The following L3MBTL3 variants were observed in gnomAD, a reference collection of about 807,000 sequenced individuals.
L3MBTL3 encodes lethal(3)malignant brain tumor-like protein 3.
A neutral mutation model predicts 102.3 loss-of-function variants in L3MBTL3; 27 were observed. That is an observed-to-expected ratio of 0.26 (90% CI 0.19 to 0.36). L3MBTL3 has a LOEUF of 0.36. L3MBTL3 is among the 10% of genes least tolerant of loss of function. The pLI, the probability that L3MBTL3 is intolerant of heterozygous loss-of-function variation, is 1.00. For missense variants in L3MBTL3, 798 were observed against 955.3 expected (o/e 0.84, Z 2.17); for synonymous variants, 340 against 320.9 (o/e 1.06, Z -0.64).
At chr6:130,041,954 A>C (rs889971325) in intron 2 of L3MBTL3, among the ~76,000 whole-genome samples, 9 of 152,340 alleles carry the variant, frequency 5.9e-5, no homozygotes, top group African/African-American at 1.9e-4. Flanking sequence ...GAAAATACAC[A>C]TATTTCTAAA....
chr6:130,134,236 AT>A (rs1010227991), intron 22 of L3MBTL3, among the ~76,000 whole-genome samples: 1 of 152,132 alleles, frequency 6.6e-6, no homozygotes, highest in African/African-American at 2.4e-5. Context: ...AAGAAGCAAC[AT>A]TTTCTCTTTT....
chr6:130,038,770 T>G (rs1443640182), intron 2 of L3MBTL3, among the ~76,000 whole-genome samples: 1 of 152,148 alleles, frequency 6.6e-6, no homozygotes, highest in African/African-American at 2.4e-5. Context: ...TCGTTTTAGT[T>G]TCGTATAATC....
At chr6:130,099,867 G>A (rs1415515509) in intron 18 of L3MBTL3, among the ~76,000 whole-genome samples, 1 of 152,160 alleles carries the variant, frequency 6.6e-6, no homozygotes, top group Non-Finnish European at 1.5e-5. Flanking sequence ...ATAAGTAAAG[G>A]AGTTAATTTT....
rs1484684927 is a variant in L3MBTL3, at chr6:130,019,140, T to C, written c.-95+476T>C. ...TGGCGCGCAGGCGGCGGGATGCGTG[T>C]GGCCCCCTCCCCCGCGCCCCCCGAG... On this transcript the variant is annotated intron_variant, in intron 1 of 22. Transcript: ENST00000361794. 6.6e-5 allele frequency among the ~76,000 whole-genome samples: 10 copies of C among 151,400 alleles called. No individual in the cohort carries two copies. The East Asian group carries it at 2.0e-3, about 30-fold the overall frequency.
At position 130,049,766 on chromosome 6, in the gene L3MBTL3, T is replaced by C; in HGVS notation, c.225T>C (p.Ser75=). The C allele has an allele frequency of 3.7e-6, 6 of 1,613,826 alleles. No homozygotes were observed. The highest frequency in any genetic ancestry group is 5.1e-6 in the Non-Finnish European group (6 of 1,179,898). Residue 75 remains serine (S), a synonymous_variant, in exon 5 of 23, where the codon TCT becomes TCC. Coordinates refer to ENST00000361794, the MANE Select transcript of L3MBTL3 (RefSeq NM_032438.4). ...MVPTAQEAPT[S]PPSSRPVFPP... ...AATCTACATCTCCAGCCCCGACCTCTCCCCCGAGCTCCAGGCCCGTATTTC... is the reference window on the plus strand; with the variant it reads ...AATCTACATCTCCAGCCCCGACCTCCCCCCCGAGCTCCAGGCCCGTATTTC...
At chr6:130,048,612 T>C (rs7755652) in intron 3 of L3MBTL3, among the ~76,000 whole-genome samples, 1 of 152,052 alleles carries the variant, frequency 6.6e-6, no homozygotes, top group East Asian at 1.9e-4. Flanking sequence ...ATGTAGCTAG[T>C]AGACTACTTG....
At chr6:130,119,323 A>G (rs145701203) in intron 19 of L3MBTL3, among the ~76,000 whole-genome samples, 50 of 152,302 alleles carry the variant, frequency 3.3e-4, no homozygotes, top group African/African-American at 9.6e-4. Flanking sequence ...GTTGACCACA[A>G]TACTTTCTGG....
chr6:130,059,374 A>G (rs1240169051), intron 9 of L3MBTL3, among the ~76,000 whole-genome samples: 5 of 152,218 alleles, frequency 3.3e-5, no homozygotes, highest in Non-Finnish European at 5.9e-5. Flanking sequence ...AGATGCTTCT[A>G]TCTGAGTCAT....
intron 2 of L3MBTL3, among the ~76,000 whole-genome samples, chr6:130,037,391 C>A (rs1011449259): frequency 6.6e-6 from 1 of 151,586 alleles, no homozygotes; most frequent in Non-Finnish European, 1.5e-5. Context: ...GTTTATCCAC[C>A]AGGGGGAAGA....
intron 7 of L3MBTL3, among the ~76,000 whole-genome samples, chr6:130,053,302 G>A (rs1042178291): frequency 9.2e-5 from 14 of 152,156 alleles, no homozygotes; most frequent in Admixed American, 6.5e-4. Context: ...ACAACACAAT[G>A]CCAATCTCAT....
intron 2 of L3MBTL3, among the ~76,000 whole-genome samples, chr6:130,028,297 A>G (rs530296724): frequency 1.3e-5 from 2 of 152,304 alleles, no homozygotes; most frequent in Admixed American, 6.5e-5. Flanking sequence ...TTGCAACATT[A>G]TAAATAGGAT....
At chr6:130,111,924 G>A (rs1002510728) in intron 19 of L3MBTL3, among the ~76,000 whole-genome samples, 1 of 152,174 alleles carries the variant, frequency 6.6e-6, no homozygotes, top group African/African-American at 2.4e-5. Context: ...AAAGCCTTGT[G>A]TCATCTGGCC....
intron 13 of L3MBTL3, among the ~76,000 whole-genome samples, chr6:130,075,159 G>T (rs756208306): frequency 1.3e-5 from 2 of 152,154 alleles, no homozygotes; most frequent in African/African-American, 2.4e-5. Context: ...GGGGCTCATG[G>T]TCTGGGGAAG....
intron 18 of L3MBTL3, among the ~76,000 whole-genome samples, chr6:130,095,744 T>G (rs1784324760): frequency 6.6e-6 from 1 of 152,190 alleles, no homozygotes; most frequent in Non-Finnish European, 1.5e-5. Context: ...GGCGAGGGCT[T>G]TCTTGCTGCG....
chr6:130,044,013 T>G (rs1780584834), intron 3 of L3MBTL3, among the ~76,000 whole-genome samples: 1 of 152,194 alleles, frequency 6.6e-6, no homozygotes, highest in African/African-American at 2.4e-5. Flanking sequence ...TGCAGTAAAT[T>G]AGGAATTAAT....
At chr6:130,070,665 T>C (rs1050455967) in intron 12 of L3MBTL3, among the ~76,000 whole-genome samples, 5 of 152,118 alleles carry the variant, frequency 3.3e-5, no homozygotes, top group Non-Finnish European at 7.4e-5. Flanking sequence ...GCCTACCTAT[T>C]ACAGTTTTCT....
At position 130,133,586 on chromosome 6, in the gene L3MBTL3, C is replaced by G. The variant is rs774618803; in HGVS notation, c.2101C>G (p.Pro701Ala). 6.2e-7 allele frequency: 1 copy of G among 1,613,856 alleles called. No homozygotes were observed. Among genetic ancestry groups the G allele is most frequent in the African/African-American group, 1.3e-5 (1 of 74,928 alleles). Residue 701 changes from proline to alanine, a missense_variant, in exon 21 of 23, where the codon CCT (proline) becomes GCT (alanine). Transcript: ENST00000361794. The surrounding 1 kb of genome is among the most constrained non-coding windows in gnomAD (Gnocchi z 4.9). The stretch of plus-strand genomic sequence containing the variant: ...ACTTCTTCCAACTGTCGCAGGAATC[C>G]CTGCCAGTAAAGTTTCCAAATGGAG... ...SKLLPTVAGI[P>A]ASKVSKWSTD... is the part of the protein sequence containing the mutation.
At chr6:130,053,634 C>CAAAA (rs1036611505) in intron 7 of L3MBTL3, among the ~76,000 whole-genome samples, 2 of 59,250 alleles carry the variant, frequency 3.4e-5, no homozygotes, top group East Asian at 5.6e-4. Context: ...GACTGTGTCT[C>CAAAA]AAAAAAAAAA....
At chr6:130,080,924 C>G (rs1783297812) in intron 14 of L3MBTL3, among the ~76,000 whole-genome samples, 1 of 152,164 alleles carries the variant, frequency 6.6e-6, no homozygotes, top group African/African-American at 2.4e-5. Context: ...GATCTGTTTT[C>G]TCTAAGGGCA....
Sources: gnomAD v4.1 joint callset for allele counts (sites outside exome capture counted in the v4.1 genomes callset) on GRCh38, gnomAD v4.1.1 for gene constraint, Gnocchi (gnomAD v3.1) non-coding constraint, MANE v1.5 for transcripts, NCBI Gene and HGNC (gene_info 2026-07-23, HGNC 2026-07-21) for gene names.